ADAMTS17: variants seen among roughly 807,000 people sequenced by gnomAD.
ADAMTS17 encodes the protein A disintegrin and metalloproteinase with thrombospondin motifs 17.
Under a neutral mutation model 141.5 loss-of-function variants are expected in ADAMTS17, and 113 were observed. The ratio of observed to expected loss-of-function variants is 0.80; its 90% CI spans 0.69 to 0.93. The LOEUF is 0.93. ADAMTS17 is among the 40% of genes least tolerant of loss of function. ADAMTS17 has a pLI of 0.00. For missense variants in ADAMTS17, 1,659 were observed against 1,517.9 expected (o/e 1.09, Z -1.54); for synonymous variants, 768 against 630.6 (o/e 1.22, Z -3.27).
chr15:100,298,428 C>T (rs2044902559), intron 3 of ADAMTS17, among the ~76,000 whole-genome samples: 1 of 152,044 alleles, frequency 6.6e-6, no homozygotes, highest in Non-Finnish European at 1.5e-5. Context: ...TGTGGTCGAC[C>T]CTGCGCTGGG....
chr15:100,019,280 T>C (rs891094274), intron 18 of ADAMTS17, among the ~76,000 whole-genome samples: 1 of 152,110 alleles, frequency 6.6e-6, no homozygotes, highest in Non-Finnish European at 1.5e-5. Flanking sequence ...ATGAGATGCA[T>C]ACATACCAAC....
rs577210323 is a variant in ADAMTS17, at chr15:100,317,318, G to A, written c.616+13571C>T. Among the ~76,000 whole-genome samples, 6 of 152,292 alleles carry A rather than the reference G, an allele frequency of 3.9e-5. No individual in the cohort carries two copies. The South Asian group carries it at 8.3e-4, about 21-fold the overall frequency. On this transcript the variant is annotated intron_variant, in intron 3 of 21. Coordinates refer to ENST00000268070, the MANE Select transcript of ADAMTS17 (RefSeq NM_139057.4). ...GTAATGATGACGACTGAACACTCAG[G>A]GTGTAAAAGGGGCCCCATGGGCTTC...
intron 7 of ADAMTS17, among the ~76,000 whole-genome samples, chr15:100,217,013 G>A (rs1284835602): frequency 6.6e-6 from 1 of 152,146 alleles, no homozygotes; most frequent in Non-Finnish European, 1.5e-5. Flanking sequence ...TCCTGAAGCT[G>A]AAAATGCTGT....
intron 15 of ADAMTS17, among the ~76,000 whole-genome samples, chr15:100,065,239 C>A (rs1212242359): frequency 6.6e-6 from 1 of 152,136 alleles, no homozygotes; most frequent in East Asian, 1.9e-4. Context: ...TATAAACATA[C>A]ATATATCATT....
intron 3 of ADAMTS17, among the ~76,000 whole-genome samples, chr15:100,282,550 T>G (rs757818649): frequency 3.3e-5 from 5 of 152,212 alleles, no homozygotes; most frequent in Admixed American, 6.5e-5. Flanking sequence ...GTACTAAAAG[T>G]TATGTGAATG....
chr15:100,333,026 C>T (rs1403239413), intron 2 of ADAMTS17, among the ~76,000 whole-genome samples: 1 of 152,176 alleles, frequency 6.6e-6, no homozygotes. Context: ...GTCAGCATGC[C>T]ACCAGTGGTC....
chr15:100,226,861 T>C (rs976025677), intron 7 of ADAMTS17, among the ~76,000 whole-genome samples: 5 of 152,204 alleles, frequency 3.3e-5, no homozygotes, highest in Non-Finnish European at 7.3e-5. Flanking sequence ...AGCTATTAGG[T>C]TGAGTCCTAC....
intron 14 of ADAMTS17, among the ~76,000 whole-genome samples, chr15:100,104,349 T>C (rs12442513): frequency 0.14 from 21,767 of 151,332 alleles, 1,858 homozygotes; most frequent in Admixed American, 0.2. Flanking sequence ...ATTTTATGAG[T>C]GCTGTTAAGT....
intron 7 of ADAMTS17, among the ~76,000 whole-genome samples, chr15:100,199,689 C>T (rs1199304645): frequency 6.6e-6 from 1 of 152,144 alleles, no homozygotes; most frequent in African/African-American, 2.4e-5. Context: ...TAACTTAATC[C>T]CCGTGACCCA....
intron 18 of ADAMTS17, among the ~76,000 whole-genome samples, chr15:100,011,308 AAG>A (rs2061167412): frequency 7.1e-6 from 1 of 141,816 alleles, no homozygotes; most frequent in East Asian, 2.2e-4. Flanking sequence ...GAGGGGAGGG[AAG>A]GAAAGGAGGG....
chr15:100,030,878 GTGTA>G (rs1340860454), intron 18 of ADAMTS17, among the ~76,000 whole-genome samples: 1 of 152,230 alleles, frequency 6.6e-6, no homozygotes, highest in African/African-American at 2.4e-5. Context: ...ACGCTCACAT[GTGTA>G]TGTGTGAGGA....
At chr15:100,283,347 G>C (rs2044345370) in intron 3 of ADAMTS17, among the ~76,000 whole-genome samples, 1 of 152,204 alleles carries the variant, frequency 6.6e-6, no homozygotes, top group African/African-American at 2.4e-5. Context: ...GAGGCCGCTG[G>C]TGGAAAATCT....
chr15:100,318,369 T>G (rs1399684599), intron 3 of ADAMTS17, among the ~76,000 whole-genome samples: 1 of 151,768 alleles, frequency 6.6e-6, no homozygotes, highest in Non-Finnish European at 1.5e-5. Context: ...TGTGATGGTG[T>G]TGGAAGGTGA....
chr15:100,157,334 T>C (rs1188651501), intron 8 of ADAMTS17, among the ~76,000 whole-genome samples: 2 of 152,200 alleles, frequency 1.3e-5, no homozygotes, highest in Admixed American at 6.5e-5. Context: ...CATTACAAAA[T>C]TGTTGAAAAA....
chr15:100,280,613 T>G (rs7496800), intron 4 of ADAMTS17, among the ~76,000 whole-genome samples: 15,587 of 152,008 alleles, frequency 0.1, 840 homozygotes, highest in African/African-American at 0.13. Context: ...CCCTTATGGC[T>G]CCCCGTTCCC....
Position 100,109,012 on chromosome 15 carries a change from G to A in ADAMTS17, c.1993C>T (p.Leu665Phe), listed in dbSNP as rs149304758. The change falls in exon 14 of 22, where the codon CTC becomes TTC. Residue 665 changes from leucine to phenylalanine, a missense_variant. Coordinates refer to ENST00000268070, the MANE Select transcript of ADAMTS17 (RefSeq NM_139057.4). Reference protein sequence around the residue: ...GTPCGPYETDLCVHGKCQKIG... With the variant: ...GTPCGPYETDFCVHGKCQKIG... ...ACCTGGCACTTGCCGTGCACGCAGA[G>A]ATCAGTCTCGTAGGGCCCGCAGGGT... The A allele has an allele frequency of 5.0e-6, 8 of 1,613,996 alleles. No individual in the cohort carries two copies. The African/African-American group carries it at 5.3e-5, about 11-fold the overall frequency.
intron 8 of ADAMTS17, among the ~76,000 whole-genome samples, chr15:100,175,936 GA>G (rs1395228213): frequency 6.6e-6 from 1 of 152,100 alleles, no homozygotes; most frequent in Non-Finnish European, 1.5e-5. Flanking sequence ...TTCTTTTTAG[GA>G]CATAAGAAAT....
intron 7 of ADAMTS17, among the ~76,000 whole-genome samples, chr15:100,217,182 G>C (rs1226960432): frequency 6.6e-6 from 1 of 152,100 alleles, no homozygotes; most frequent in Non-Finnish European, 1.5e-5. Flanking sequence ...ATGTCATCTC[G>C]GACAAGGCAG....
At chr15:99,992,547 C>T (rs2060710370) in intron 20 of ADAMTS17, among the ~76,000 whole-genome samples, 1 of 152,210 alleles carries the variant, frequency 6.6e-6, no homozygotes, top group African/African-American at 2.4e-5. Flanking sequence ...GCCCTTTATT[C>T]ACCCTTGCTC....
Sources: gnomAD v4.1 joint callset for allele counts (sites outside exome capture counted in the v4.1 genomes callset) on GRCh38, gnomAD v4.1.1 for gene constraint, MANE v1.5 for transcripts, NCBI Gene and HGNC (gene_info 2026-07-23, HGNC 2026-07-21) for gene names.